Variants in GRM7 observed in about 807,000 individuals in gnomAD.
GRM7 encodes glutamate metabotropic receptor 7.
A neutral mutation model predicts 84.5 loss-of-function variants in GRM7; 35 were observed. That is an observed-to-expected ratio of 0.41 (90% CI 0.32 to 0.55). The LOEUF (loss-of-function observed/expected upper bound fraction) is 0.55, where lower values mean the gene tolerates loss of function less well. GRM7 is among the 20% of genes least tolerant of loss of function. GRM7 has a pLI of 0.19. For synonymous variants in GRM7, 487 were observed against 455.1 expected (o/e 1.07, Z -0.89); for missense variants, 1,003 against 1,194.6 (o/e 0.84, Z 2.36).
intron 7 of GRM7, among the ~76,000 whole-genome samples, chr3:7,558,585 C>A (rs749687302): frequency 2.0e-5 from 3 of 152,038 alleles, no homozygotes; most frequent in Non-Finnish European, 2.9e-5. Context: ...TTGACCTAGG[C>A]CCATGCCAAT....
At chr3:6,927,487 A>AAGAT (rs1559333399) in intron 1 of GRM7, among the ~76,000 whole-genome samples, 6 of 117,428 alleles carry the variant, frequency 5.1e-5, no homozygotes, top group Non-Finnish European at 5.9e-5. Flanking sequence ...GAAAGAAAGA[A>AAGAT]AGAAAGAAAG....
chr3:6,861,215 C>T lies in GRM7; in HGVS notation c.-174C>T. On this transcript the variant is annotated 5_prime_UTR_variant, in exon 1 of 10. Coordinates refer to ENST00000357716, the MANE Select transcript of GRM7 (RefSeq NM_000844.4). The surrounding 1 kb of genome is among the most constrained non-coding windows in gnomAD (Gnocchi z 6.4). The stretch of plus-strand genomic sequence containing the variant: ...GCGCGAGGCGCCCCAGGCTGGCAGG[C>T]GCCGCGGGACCCCTCACCCTCTCTG... 3.9e-6 allele frequency: 2 copies of T among 508,166 alleles called. No individual in the cohort carries two copies. Among genetic ancestry groups the T allele is most frequent in the Non-Finnish European group, 6.4e-6 (2 of 310,374 alleles). 31.5% of individuals were successfully genotyped at this position (508,166 alleles called of 1,614,324 possible).
intron 7 of GRM7, among the ~76,000 whole-genome samples, chr3:7,506,331 G>A: frequency 6.6e-6 from 1 of 151,924 alleles, no homozygotes; most frequent in Non-Finnish European, 1.5e-5. Flanking sequence ...AATCTCTAAG[G>A]TCCAGACATT....
At chr3:6,941,414 A>G (rs1213113493) in intron 1 of GRM7, among the ~76,000 whole-genome samples, 1 of 152,224 alleles carries the variant, frequency 6.6e-6, no homozygotes, top group Non-Finnish European at 1.5e-5. Flanking sequence ...ATTCAAAACA[A>G]TCAGCAGGAA....
At chr3:7,285,007 C>A (rs1394843471) in intron 2 of GRM7, among the ~76,000 whole-genome samples, 2 of 152,068 alleles carry the variant, frequency 1.3e-5, no homozygotes, top group Non-Finnish European at 2.9e-5. Context: ...TAGAAATGAG[C>A]AAACTTTGAC....
intron 1 of GRM7, among the ~76,000 whole-genome samples, chr3:7,103,613 G>C (rs116822166): frequency 0.014 from 2,179 of 151,720 alleles, 31 homozygotes; most frequent in African/African-American, 0.037. Context: ...TTGTCTAACA[G>C]CTTCTTATAT....
intron 4 of GRM7, among the ~76,000 whole-genome samples, chr3:7,397,432 A>AG (rs1473644541): frequency 2.0e-5 from 3 of 152,202 alleles, no homozygotes; most frequent in African/African-American, 4.8e-5. Flanking sequence ...GAGATGAAGT[A>AG]GGGATAATTA....
chr3:7,395,285 G>GATTCACATGTATCTAC (rs1197969803), intron 4 of GRM7, among the ~76,000 whole-genome samples: 3 of 152,046 alleles, frequency 2.0e-5, no homozygotes, highest in African/African-American at 7.2e-5. Context: ...TATCTATGAT[G>GATTCACATGTATCTAC]ATTCACATGT....
chr3:7,634,177 C>G (rs1412272333), intron 8 of GRM7, among the ~76,000 whole-genome samples: 1 of 152,000 alleles, frequency 6.6e-6, no homozygotes, highest in African/African-American at 2.4e-5. Flanking sequence ...TAAAGTAATT[C>G]AAAAGTGAGT....
intron 7 of GRM7, among the ~76,000 whole-genome samples, chr3:7,544,550 T>G (rs73019810): frequency 0.13 from 20,175 of 152,142 alleles, 1,543 homozygotes; most frequent in Middle Eastern, 0.26. Context: ...AAGCCCTATG[T>G]CCCATCTGTA....
intron 2 of GRM7, among the ~76,000 whole-genome samples, chr3:7,242,317 A>G (rs1697590955): frequency 6.6e-6 from 1 of 152,162 alleles, no homozygotes; most frequent in South Asian, 2.1e-4. Context: ...GTTGAGTGTA[A>G]TGTAGCAAAA....
At chr3:7,588,830 T>C (rs1185803331) in intron 8 of GRM7, among the ~76,000 whole-genome samples, 2 of 152,212 alleles carry the variant, frequency 1.3e-5, no homozygotes, top group African/African-American at 4.8e-5. Context: ...CTCTTCGTCC[T>C]CACTTTCAAC....
chr3:7,333,239 A>G (rs574637076), intron 4 of GRM7, among the ~76,000 whole-genome samples: 1 of 152,192 alleles, frequency 6.6e-6, no homozygotes, highest in Non-Finnish European at 1.5e-5. Flanking sequence ...AGACTCCCAC[A>G]GAGTCCACTT....
rs1027489038 is a variant in GRM7 at position 7,479,310 on chromosome 3, A to G, written c.1515+17588A>G. 2.0e-5 allele frequency among the ~76,000 whole-genome samples: 3 copies of G among 152,016 alleles called. No individual in the cohort carries two copies. The South Asian group carries it at 6.2e-4, about 32-fold the overall frequency. ...GGTGAGGAAGCTTCGGTACTCATCT[A>G]CAACTCTCATGCCTCACTGTTTGAG... On this transcript the variant is annotated intron_variant, in intron 7 of 9. Coordinates refer to ENST00000357716, the MANE Select transcript of GRM7 (RefSeq NM_000844.4).
At chr3:7,732,950 G>C (rs1702380679) in intron 9 of GRM7, among the ~76,000 whole-genome samples, 1 of 152,194 alleles carries the variant, frequency 6.6e-6, no homozygotes, top group African/African-American at 2.4e-5. Context: ...AACAAGGAGT[G>C]GATTATTCAT....
chr3:7,059,174 TATATG>T lies in GRM7; in HGVS notation c.520-87277_520-87273del, dbSNP rs1327123183. On this transcript the variant is annotated intron_variant, in intron 1 of 9. Transcript: ENST00000357716. Reference sequence around the variant, plus strand: ...CCCTACTTTACATTTTACATATATATATATGTATTACACATATATGTAACAGTGTT... The same window carrying T: ...CCCTACTTTACATTTTACATATATATTATTACACATATATGTAACAGTGTT... Among the ~76,000 whole-genome samples the T allele has an allele frequency of 3.3e-5, 5 of 151,950 alleles. No homozygotes were observed. In the East Asian group the frequency reaches 9.8e-4, roughly 30 times the overall value.
chr3:7,738,823 T>C (rs1381317538), intron 9 of GRM7, among the ~76,000 whole-genome samples: 1 of 151,962 alleles, frequency 6.6e-6, no homozygotes, highest in East Asian at 1.9e-4. Flanking sequence ...TCAGCTGAGA[T>C]CTTCTAGCTA....
chr3:7,130,545 A>G (rs1693559471), intron 1 of GRM7, among the ~76,000 whole-genome samples: 1 of 106,518 alleles, frequency 9.4e-6, no homozygotes, highest in Admixed American at 7.9e-5. Flanking sequence ...TCTTGTCTCA[A>G]AAAAAAAAAG....
At chr3:7,692,963 ATCTT>A (rs963737304) in intron 9 of GRM7, among the ~76,000 whole-genome samples, 12 of 150,396 alleles carry the variant, frequency 8.0e-5, no homozygotes, top group South Asian at 2.1e-4. Flanking sequence ...AGTGAGATGC[ATCTT>A]TCTTTCTTTC....
Sources: gnomAD v4.1 joint callset for allele counts (sites outside exome capture counted in the v4.1 genomes callset) on GRCh38, gnomAD v4.1.1 for gene constraint, Gnocchi (gnomAD v3.1) non-coding constraint, MANE v1.5 for transcripts, NCBI Gene and HGNC (gene_info 2026-07-23, HGNC 2026-07-21) for gene names.